PBX1: variants seen among roughly 807,000 people sequenced by gnomAD.
The protein encoded by PBX1 is pre-B-cell leukemia transcription factor 1.
Under a neutral mutation model 53.4 loss-of-function variants are expected in PBX1, and 6 were observed. The ratio of observed to expected loss-of-function variants is 0.11; its 90% CI spans 0.06 to 0.22. The LOEUF is 0.22. Among genes scored for constraint, PBX1 ranks in the 10% least tolerant of loss-of-function variants. The probability of loss-of-function intolerance (pLI) is 1.00; values close to 1 mark genes in which losing one functional copy is unlikely to be tolerated. For missense variants in PBX1, 251 were observed against 551.4 expected, an observed-to-expected ratio of 0.46 and a Z score of 5.46; for synonymous variants, 204 against 212.3, an observed-to-expected ratio of 0.96 and a Z score of 0.34.
Position 164,849,338 on chromosome 1 carries a change from A to G in PBX1, c.*2662A>G. 6.5e-7 allele frequency: 1 copy of G among 1,535,486 alleles called. No individual in the cohort carries two copies. The highest frequency in any genetic ancestry group is 8.7e-7 in the Non-Finnish European group (1 of 1,146,760). ...ATTTCACTTAGTCTTCTCTATACCCAGCACCTCCCCCGGCACCCCCGGCAA... is the reference window on the plus strand; with the variant it reads ...ATTTCACTTAGTCTTCTCTATACCCGGCACCTCCCCCGGCACCCCCGGCAA... On this transcript the variant is annotated 3_prime_UTR_variant, in exon 9 of 9. Transcript: ENST00000420696.
At chr1:164,675,105 A>G (rs1304753544) in intron 2 of PBX1, among the ~76,000 whole-genome samples, 1 of 152,194 alleles carries the variant, frequency 6.6e-6, no homozygotes. Flanking sequence ...CACAGCTGGT[A>G]GATAGCAGAA....
At chr1:164,653,279 A>T (rs61803804) in intron 2 of PBX1, among the ~76,000 whole-genome samples, 5,251 of 148,294 alleles carry the variant, frequency 0.035, 150 homozygotes, top group Non-Finnish European at 0.055. Context: ...TCAGTACTTC[A>T]CCCCTCCTTA....
intron 2 of PBX1, among the ~76,000 whole-genome samples, chr1:164,709,915 T>C (rs1045055726): frequency 6.6e-6 from 1 of 152,060 alleles, no homozygotes; most frequent in African/African-American, 2.4e-5. Context: ...AAGGAAAGCA[T>C]GGAGATGGGG....
intron 8 of PBX1, among the ~76,000 whole-genome samples, chr1:164,837,093 T>C (rs1671074138): frequency 6.6e-6 from 1 of 152,180 alleles, no homozygotes; most frequent in African/African-American, 2.4e-5. Context: ...TTTAGCTTCC[T>C]GTGTGATGGT....
intron 2 of PBX1, among the ~76,000 whole-genome samples, chr1:164,717,534 A>G (rs1030851060): frequency 6.6e-6 from 1 of 152,202 alleles, no homozygotes; most frequent in Non-Finnish European, 1.5e-5. Flanking sequence ...TCCAGCAGCA[A>G]CTGGGACTTC....
chr1:164,831,168 C>T (rs1670734643), intron 8 of PBX1, among the ~76,000 whole-genome samples: 1 of 152,154 alleles, frequency 6.6e-6, no homozygotes, highest in Admixed American at 6.5e-5. Context: ...TATTGTCACC[C>T]TTTTATCCTT....
chr1:164,713,803 T>G (rs1411461385), intron 2 of PBX1, among the ~76,000 whole-genome samples: 1 of 152,186 alleles, frequency 6.6e-6, no homozygotes, highest in African/African-American at 2.4e-5. Context: ...AGCAGAACTG[T>G]TCATACAGCC....
chr1:164,774,426 T>G (rs1341585860), intron 2 of PBX1: 1 of 152,188 alleles, frequency 6.6e-6, no homozygotes, highest in East Asian at 1.9e-4. Context: ...TAAAATTGTC[T>G]ACCTATTTCT....
intron 2 of PBX1, among the ~76,000 whole-genome samples, chr1:164,857,886 T>C (rs1274339476): frequency 2.6e-5 from 4 of 152,202 alleles, no homozygotes; most frequent in Non-Finnish European, 5.9e-5. Flanking sequence ...AGTTAATATA[T>C]GTAAAGCACT....
At chr1:164,644,382 G>A (rs1659326637) in intron 2 of PBX1, among the ~76,000 whole-genome samples, 1 of 152,132 alleles carries the variant, frequency 6.6e-6, no homozygotes, top group Non-Finnish European at 1.5e-5. Context: ...GTATTAAACA[G>A]CATCTTTGGA....
chr1:164,616,048 CTA>C (rs1331618621), intron 2 of PBX1, among the ~76,000 whole-genome samples: 2 of 152,100 alleles, frequency 1.3e-5, no homozygotes, highest in African/African-American at 4.8e-5. Context: ...CAGGATATGT[CTA>C]TGTGAAATAT....
rs184471285 is a variant in PBX1 at position 164,666,574 on chromosome 1, C to T, written c.265+103263C>T. On this transcript the variant is annotated intron_variant, in intron 2 of 8. Coordinates refer to ENST00000420696, the MANE Select transcript of PBX1 (RefSeq NM_002585.4). ...TCTGCTGCTTGATAAACTCATAGAA[C>T]TGTGGGGCCTCTGTTATTGCTATTT... Among the ~76,000 whole-genome samples the T allele has an allele frequency of 5.3e-3, 756 of 142,328 alleles. 3 individuals are homozygous for T. Among genetic ancestry groups the T allele is most frequent in the African/African-American group, 0.019 (713 of 37,632 alleles). 93.4% of individuals were successfully genotyped at this position (142,328 alleles called of 152,430 possible). A position where few individuals can be genotyped will look rare whatever the true frequency, so the allele number is the denominator to read the frequency against.
chr1:164,619,320 C>T (rs1657516437), intron 2 of PBX1, among the ~76,000 whole-genome samples: 1 of 152,086 alleles, frequency 6.6e-6, no homozygotes, highest in African/African-American at 2.4e-5. Context: ...CTTCACTGCA[C>T]AAACTTGGCA....
At chr1:164,687,648 T>G (rs1444394884) in intron 2 of PBX1, among the ~76,000 whole-genome samples, 1 of 151,812 alleles carries the variant, frequency 6.6e-6, no homozygotes, top group South Asian at 2.1e-4. Flanking sequence ...TCAGCCCAGC[T>G]TATGTGGCTA....
intron 2 of PBX1, among the ~76,000 whole-genome samples, chr1:164,687,251 C>G (rs983453966): frequency 2.0e-5 from 3 of 152,112 alleles, no homozygotes; most frequent in Non-Finnish European, 2.9e-5. Flanking sequence ...TAAGGCACAA[C>G]TGTTTATCAA....
chr1:164,870,333 C>CTTTCT, intron 2 of PBX1, among the ~76,000 whole-genome samples: 1 of 105,310 alleles, frequency 9.5e-6, no homozygotes, highest in African/African-American at 4.0e-5. Flanking sequence ...TTCTTTCTTT[C>CTTTCT]TTTCTTTCTT....
intron 2 of PBX1, among the ~76,000 whole-genome samples, chr1:164,885,813 A>G (rs1672764215): frequency 6.6e-6 from 1 of 152,120 alleles, no homozygotes. Flanking sequence ...TCTTGAACAC[A>G]ATAGCTAAAC....
At chr1:164,571,349 C>G (rs1231394975) in intron 2 of PBX1, among the ~76,000 whole-genome samples, 1 of 152,132 alleles carries the variant, frequency 6.6e-6, no homozygotes, top group Non-Finnish European at 1.5e-5. Context: ...GTCCATATTT[C>G]CCCCTTCACC....
chr1:164,832,601 A>C (rs143261901), intron 8 of PBX1, among the ~76,000 whole-genome samples: 1 of 152,322 alleles, frequency 6.6e-6, no homozygotes, highest in African/African-American at 2.4e-5. Context: ...TAAAAGAATA[A>C]ATATGATAGC....
Sources: allele counts gnomAD v4.1 joint callset (sites outside exome capture counted in the v4.1 genomes callset), GRCh38; gene constraint gnomAD v4.1.1; transcripts MANE v1.5; gene names NCBI Gene and HGNC (gene_info 2026-07-23, HGNC 2026-07-21).